Variants in MACROD2 observed in about 807,000 individuals in gnomAD.
The protein encoded by MACROD2 is mono-ADP ribosylhydrolase 2, also known as ADP-ribose glycohydrolase MACROD2.
Under a neutral mutation model 70.4 loss-of-function variants are expected in MACROD2, and 36 were observed. That is an observed-to-expected ratio of 0.51 (90% CI 0.39 to 0.68). MACROD2 has a LOEUF of 0.68. MACROD2 is among the 30% of genes least tolerant of loss of function. The probability of loss-of-function intolerance (pLI) is 0.00; values close to 1 mark genes in which losing one functional copy is unlikely to be tolerated. For missense variants in MACROD2, 496 were observed against 538.4 expected, an observed-to-expected ratio of 0.92 and a Z score of 0.78; for synonymous variants, 172 against 178.8, an observed-to-expected ratio of 0.96 and a Z score of 0.30.
At position 14,950,164 on chromosome 20, in the gene MACROD2, AG is replaced by A. The variant is rs536370426; in HGVS notation, c.418+265208del. 1.2e-3 allele frequency among the ~76,000 whole-genome samples: 180 copies of A among 152,272 alleles called. 3 individuals are homozygous for A. The highest frequency in any genetic ancestry group is 3.9e-3 in the African/African-American group (162 of 41,564). Reference sequence around the variant, plus strand: ...AAACGTGGGGCCAGGTTGAAGAGACAGGGTCTGATTAAGGCAGATGGCTTCT... The same window carrying A: ...AAACGTGGGGCCAGGTTGAAGAGACAGGTCTGATTAAGGCAGATGGCTTCT... On this transcript the variant is annotated intron_variant, in intron 5 of 17. Coordinates refer to ENST00000684519, the MANE Select transcript of MACROD2 (RefSeq NM_001351661.2).
At chr20:14,773,095 A>G (rs2072190522) in intron 5 of MACROD2, among the ~76,000 whole-genome samples, 2 of 152,054 alleles carry the variant, frequency 1.3e-5, no homozygotes, top group Admixed American at 1.3e-4. Context: ...ATGGCGCTAG[A>G]AATCCCCTGC....
intron 3 of MACROD2, among the ~76,000 whole-genome samples, chr20:14,171,228 T>C (rs1193455992): frequency 2.6e-5 from 4 of 152,226 alleles, no homozygotes; most frequent in Non-Finnish European, 4.4e-5. Flanking sequence ...TATTTGGATC[T>C]TCTCTCTTCT....
intron 7 of MACROD2, among the ~76,000 whole-genome samples, chr20:15,458,927 T>C (rs1282044906): frequency 1.3e-5 from 2 of 152,072 alleles, no homozygotes. Context: ...GTCCTTAGGC[T>C]TTCAGCAGAC....
At chr20:15,876,427 T>C (rs1265135942) in intron 9 of MACROD2, among the ~76,000 whole-genome samples, 3 of 152,114 alleles carry the variant, frequency 2.0e-5, no homozygotes, top group Non-Finnish European at 4.4e-5. Context: ...TCCATGTCCC[T>C]ACAAAGGACA....
At chr20:15,362,801 TAAAC>T (rs1469877258) in intron 6 of MACROD2, among the ~76,000 whole-genome samples, 2 of 152,050 alleles carry the variant, frequency 1.3e-5, no homozygotes, top group Admixed American at 1.3e-4. Context: ...TCTTGCATAA[TAAAC>T]AACCATTTAA....
chr20:14,941,819 T>C (rs1239359305), intron 5 of MACROD2, among the ~76,000 whole-genome samples: 2 of 151,886 alleles, frequency 1.3e-5, no homozygotes, highest in Admixed American at 1.3e-4. Flanking sequence ...GGTCTCACTG[T>C]ATCACTCAGG....
chr20:15,784,099 T>C (rs2051880390), intron 8 of MACROD2, among the ~76,000 whole-genome samples: 1 of 152,148 alleles, frequency 6.6e-6, no homozygotes. Flanking sequence ...AAATGTCGAA[T>C]CTGTGGTAGA....
intron 3 of MACROD2, among the ~76,000 whole-genome samples, chr20:14,460,632 G>C (rs139663986): frequency 0.012 from 1,804 of 152,130 alleles, 43 homozygotes; most frequent in African/African-American, 0.041. Context: ...TAGCATGAAG[G>C]GGTGTTGAAT....
rs529083889 is a variant in MACROD2, at chr20:15,349,273, C to T, written c.541-82132C>T. Among the ~76,000 whole-genome samples, 19 of 152,204 alleles carry T rather than the reference C, an allele frequency of 1.2e-4. 1 individual carries two copies. The highest frequency in any genetic ancestry group is 4.6e-4 in the African/African-American group (19 of 41,538). On this transcript the variant is annotated intron_variant, in intron 6 of 17. Transcript: ENST00000684519. ...TCAGTGTATTTGCTAGAAATGTATC[C>T]TTTTTCATTCATCTGCTGGAGTTTT... is the stretch of plus-strand genomic sequence containing the variant.
chr20:14,934,205 C>T (rs1256992233), intron 5 of MACROD2, among the ~76,000 whole-genome samples: 1 of 152,102 alleles, frequency 6.6e-6, no homozygotes, highest in African/African-American at 2.4e-5. Flanking sequence ...CTGGCCCTTC[C>T]AGGATATCAA....
chr20:14,622,289 A>C (rs1983876310), intron 4 of MACROD2, among the ~76,000 whole-genome samples: 1 of 152,074 alleles, frequency 6.6e-6, no homozygotes, highest in Non-Finnish European at 1.5e-5. Flanking sequence ...TTGTCCGTTA[A>C]GTAGGTCAAG....
intron 6 of MACROD2, among the ~76,000 whole-genome samples, chr20:15,312,847 A>G (rs2077767894): frequency 6.6e-6 from 1 of 152,150 alleles, no homozygotes; most frequent in Non-Finnish European, 1.5e-5. Context: ...ATGTGTGTGT[A>G]TATGTATGTA....
intron 5 of MACROD2, among the ~76,000 whole-genome samples, chr20:14,864,356 T>C (rs1357832989): frequency 6.6e-6 from 1 of 152,152 alleles, no homozygotes; most frequent in Non-Finnish European, 1.5e-5. Context: ...GAGAGGGCTA[T>C]TTCTCCATGT....
chr20:15,754,769 G>T (rs2051323774), intron 8 of MACROD2, among the ~76,000 whole-genome samples: 1 of 147,110 alleles, frequency 6.8e-6, no homozygotes, highest in African/African-American at 2.5e-5. Flanking sequence ...ATACCCTAAA[G>T]AATTATATTT....
chr20:14,307,845 T>A lies in MACROD2; in HGVS notation c.272-185634T>A, dbSNP rs574598392. 3.9e-5 allele frequency among the ~76,000 whole-genome samples: 6 copies of A among 152,294 alleles called. No homozygotes were observed. The South Asian group carries it at 1.2e-3, about 32-fold the overall frequency. ...CTTTTCTAGCATTTGAATTATAATC[T>A]CAGAGGATGTCCTTGATAGTGGAAG... On this transcript the variant is annotated intron_variant, in intron 3 of 17. Transcript: ENST00000684519.
chr20:15,647,770 A>G (rs1184106182), intron 8 of MACROD2, among the ~76,000 whole-genome samples: 1 of 148,910 alleles, frequency 6.7e-6, no homozygotes, highest in Non-Finnish European at 1.5e-5. Context: ...CCCAGGCGAG[A>G]GTGCAGTGGT....
chr20:14,025,259 T>C (rs1445488090), intron 2 of MACROD2, among the ~76,000 whole-genome samples: 3 of 152,202 alleles, frequency 2.0e-5, no homozygotes, highest in Non-Finnish European at 4.4e-5. Context: ...TTCTCTCTTT[T>C]CTTCTTTATT....
At chr20:14,559,131 C>CAA in intron 4 of MACROD2, among the ~76,000 whole-genome samples, 1 of 151,592 alleles carries the variant, frequency 6.6e-6, no homozygotes, top group Non-Finnish European at 1.5e-5. Flanking sequence ...AAAGCAGAAG[C>CAA]AGAGTTCAGT....
chr20:14,983,106 T>C (rs1010708695), intron 5 of MACROD2, among the ~76,000 whole-genome samples: 2 of 152,168 alleles, frequency 1.3e-5, no homozygotes, highest in African/African-American at 4.8e-5. Context: ...AGTTTTAAGA[T>C]TTGACTGCCC....
Sources: allele counts gnomAD v4.1 joint callset (sites outside exome capture counted in the v4.1 genomes callset), GRCh38; gene constraint gnomAD v4.1.1; transcripts MANE v1.5; gene names NCBI Gene and HGNC (gene_info 2026-07-23, HGNC 2026-07-21).